The following SYT6 variants were observed in gnomAD, a reference collection of about 807,000 sequenced individuals.
SYT6 encodes the protein synaptotagmin-6.
A neutral mutation model predicts 38.4 loss-of-function variants in SYT6; 24 were observed. The observed-to-expected ratio is 0.62, with a 90% CI of 0.45 to 0.88. The LOEUF (loss-of-function observed/expected upper bound fraction) is 0.88, where lower values mean the gene tolerates loss of function less well. SYT6 is among the 40% of genes least tolerant of loss of function. The probability of loss-of-function intolerance (pLI) is 0.00; values close to 1 mark genes in which losing one functional copy is unlikely to be tolerated. For synonymous variants in SYT6, 265 were observed against 241.9 expected (o/e 1.10, Z -0.89); for missense variants, 611 against 621.0 (o/e 0.98, Z 0.17).
At position 114,090,798 on chromosome 1, in the gene SYT6, T is replaced by C. The variant is rs1675259154; in HGVS notation, c.*1336A>G. ...GGTTGGTGGGAAGACCACTATTAAC[T>C]CAACAGAAATGTGCTATTACAACAC... On this transcript the variant is annotated 3_prime_UTR_variant, in exon 8 of 8. Transcript: ENST00000610222. The C allele has an allele frequency of 6.6e-6, 1 of 152,468 alleles. No individual in the cohort carries two copies. Among genetic ancestry groups the C allele is most frequent in the South Asian group, 2.1e-4 (1 of 4,830 alleles). 9.4% of individuals were successfully genotyped at this position (152,468 alleles called of 1,614,324 possible). A position where few individuals can be genotyped will look rare whatever the true frequency, so the allele number is the denominator to read the frequency against.
chr1:114,112,547 G>A (rs7545510), intron 3 of SYT6, among the ~76,000 whole-genome samples: 3,901 of 152,334 alleles, frequency 0.026, 51 homozygotes, highest in Non-Finnish European at 0.038. Flanking sequence ...GGGTGGAGAA[G>A]AAGAGGGGCT....
chr1:114,146,291 C>A (rs1436343881), intron 1 of SYT6, among the ~76,000 whole-genome samples: 2 of 152,156 alleles, frequency 1.3e-5, no homozygotes, highest in Non-Finnish European at 2.9e-5. Context: ...TGGCCTTGAA[C>A]TCAGACATCC....
At chr1:114,135,832 T>G (rs74112952) in intron 3 of SYT6, among the ~76,000 whole-genome samples, 5,030 of 152,280 alleles carry the variant, frequency 0.033, 269 homozygotes, top group African/African-American at 0.11. Flanking sequence ...GCAACCTCAC[T>G]GTGAGGAGGA....
chr1:114,123,681 C>T (rs1315238331), intron 3 of SYT6, among the ~76,000 whole-genome samples: 1 of 152,190 alleles, frequency 6.6e-6, no homozygotes, highest in Admixed American at 6.5e-5. Flanking sequence ...TTTAAAGCTC[C>T]AACTCAAGTG....
intron 6 of SYT6, among the ~76,000 whole-genome samples, chr1:114,096,015 C>T (rs1320186188): frequency 6.6e-6 from 1 of 152,146 alleles, no homozygotes; most frequent in Non-Finnish European, 1.5e-5. Context: ...AGCTCTCATT[C>T]CATGCCCTCC....
At chr1:114,142,240 G>A (rs1025857834) in intron 1 of SYT6, among the ~76,000 whole-genome samples, 1 of 152,140 alleles carries the variant, frequency 6.6e-6, no homozygotes, top group Non-Finnish European at 1.5e-5. Flanking sequence ...TAATTCAGGG[G>A]AAAAGGTCAA....
Position 114,153,753 on chromosome 1 carries a change from GC to G in SYT6, c.19del (p.Ala7ProfsTer58), listed in dbSNP as rs1249114906. The G allele has an allele frequency of 5.9e-6, 4 of 678,438 alleles. No individual in the cohort carries two copies. The highest frequency in any genetic ancestry group is 1.1e-5 in the Non-Finnish European group (4 of 374,652). The allele number at this position is 678,438 out of a possible 1,614,324, so 42.0% of individuals were successfully genotyped here. On this transcript the variant is annotated frameshift_variant, in exon 1 of 8. Transcript: ENST00000610222. LOFTEE classifies it high-confidence loss of function. Reference protein sequence around the residue: MSGVWGAGGPRCQEALA... With the variant: MSGVWGXGGPRCQEALA... Reference sequence around the variant, plus strand: ...CGCCTCCTGGCACCGAGGCCCGCCGGCCCCCCACACTCCGCTCATGCCCTAG... The same window carrying G: ...CGCCTCCTGGCACCGAGGCCCGCCGGCCCCCACACTCCGCTCATGCCCTAG...
chr1:114,111,383 A>T (rs1046213987), intron 3 of SYT6, among the ~76,000 whole-genome samples: 1 of 152,198 alleles, frequency 6.6e-6, no homozygotes, highest in East Asian at 1.9e-4. Context: ...AAGGGCACAC[A>T]GCTACTAAAT....
chr1:114,147,855 A>G (rs995176333), intron 1 of SYT6, among the ~76,000 whole-genome samples: 4 of 152,246 alleles, frequency 2.6e-5, no homozygotes, highest in Non-Finnish European at 5.9e-5. Flanking sequence ...AATGTCCCCA[A>G]AATGTAAGCT....
intron 4 of SYT6, among the ~76,000 whole-genome samples, chr1:114,100,063 T>C (rs559112410): frequency 1.3e-5 from 2 of 152,330 alleles, no homozygotes; most frequent in South Asian, 2.1e-4. Flanking sequence ...AACTTCCATG[T>C]GCCTCCCATC....
intron 3 of SYT6, among the ~76,000 whole-genome samples, chr1:114,125,197 C>G (rs1677651006): frequency 6.6e-6 from 1 of 152,218 alleles, no homozygotes; most frequent in Non-Finnish European, 1.5e-5. Context: ...CAAGTTGTGT[C>G]AAATCCAGAC....
intron 4 of SYT6, among the ~76,000 whole-genome samples, chr1:114,100,395 C>T (rs151078462): frequency 6.8e-4 from 104 of 152,288 alleles, no homozygotes; most frequent in African/African-American, 2.3e-3. Flanking sequence ...TCCTGGACAT[C>T]GAGCACCCAC....
At chr1:114,140,076 A>G in intron 1 of SYT6, 113 bp from the exon 2 acceptor site, 3 of 621,766 alleles carry the variant, frequency 4.8e-6, no homozygotes, top group Non-Finnish European at 8.0e-6. Context: ...AAGAAGAGAG[A>G]AGAATGGTCA....
At chr1:114,098,574 C>T (rs1675785225) in intron 5 of SYT6, among the ~76,000 whole-genome samples, 1 of 152,092 alleles carries the variant, frequency 6.6e-6, no homozygotes, top group South Asian at 2.1e-4. Context: ...CATCAGAGTC[C>T]AAGGGAAAAG....
intron 6 of SYT6, among the ~76,000 whole-genome samples, chr1:114,094,695 C>T (rs1337775516): frequency 6.6e-6 from 1 of 152,204 alleles, no homozygotes; most frequent in Non-Finnish European, 1.5e-5. Flanking sequence ...ACTTGAAAAT[C>T]CCTTAAGAAA....
At chr1:114,151,213 A>G (rs1041066699) in intron 1 of SYT6, among the ~76,000 whole-genome samples, 7 of 152,070 alleles carry the variant, frequency 4.6e-5, no homozygotes, top group Non-Finnish European at 1.0e-4. Flanking sequence ...GCCACTCTCA[A>G]CCACTATCTT....
At chr1:114,110,438 G>C (rs1676608673) in intron 3 of SYT6, among the ~76,000 whole-genome samples, 1 of 152,192 alleles carries the variant, frequency 6.6e-6, no homozygotes, top group African/African-American at 2.4e-5. Flanking sequence ...GAAAGATGGG[G>C]AGGAGCAGCC....
chr1:114,094,846 C>T (rs58066064), intron 6 of SYT6, among the ~76,000 whole-genome samples: 14 of 152,124 alleles, frequency 9.2e-5, no homozygotes, highest in African/African-American at 1.9e-4. Flanking sequence ...AGAACGGGAA[C>T]GAAAAGAAGG....
chr1:114,138,986 C>T (rs1678681875), intron 2 of SYT6, among the ~76,000 whole-genome samples: 1 of 152,204 alleles, frequency 6.6e-6, no homozygotes, highest in Admixed American at 6.5e-5. Flanking sequence ...CATCAGAGCC[C>T]TAAGTTTTGA....
Sources: allele counts gnomAD v4.1 joint callset (sites outside exome capture counted in the v4.1 genomes callset), GRCh38; gene constraint gnomAD v4.1.1; transcripts MANE v1.5; gene names NCBI Gene and HGNC (gene_info 2026-07-23, HGNC 2026-07-21).